SH3BGRL2: variants seen among roughly 807,000 people sequenced by gnomAD.
The protein encoded by SH3BGRL2 is SH3 domain binding glutamate rich protein like 2.
A neutral mutation model predicts 14.8 loss-of-function variants in SH3BGRL2; 21 were observed. The observed-to-expected ratio is 1.42, with a 90% CI of 1.01 to 2.05. The LOEUF (loss-of-function observed/expected upper bound fraction) is 2.05, where lower values mean the gene tolerates loss of function less well. SH3BGRL2 is among the 30% of genes most tolerant of loss of function. SH3BGRL2 has a pLI of 0.00. For missense variants in SH3BGRL2, 147 were observed against 130.8 expected, an observed-to-expected ratio of 1.12 and a Z score of -0.61; for synonymous variants, 50 against 47.8, an observed-to-expected ratio of 1.05 and a Z score of -0.19.
the SH3BGRL2 span, among the ~76,000 whole-genome samples, chr6:79,551,632 G>C: frequency 3.9e-5 from 6 of 152,250 alleles, no homozygotes; most frequent in African/African-American, 1.4e-4. Flanking sequence ...ATGCTAAACA[G>C]TTTGGCTAAA....
At chr6:79,622,031 T>C in the SH3BGRL2 span, among the ~76,000 whole-genome samples, 1 of 151,342 alleles carries the variant, frequency 6.6e-6, no homozygotes, top group Non-Finnish European at 1.5e-5. Flanking sequence ...GAAAGTGGAG[T>C]GTTGGAGGCT....
the SH3BGRL2 span, among the ~76,000 whole-genome samples, chr6:79,541,938 A>G: frequency 6.6e-6 from 1 of 152,202 alleles, no homozygotes; most frequent in Non-Finnish European, 1.5e-5. Context: ...GAGATTAACC[A>G]AATTTTGTTA....
At chr6:79,567,988 C>T in the SH3BGRL2 span, among the ~76,000 whole-genome samples, 1 of 152,202 alleles carries the variant, frequency 6.6e-6, no homozygotes, top group South Asian at 2.1e-4. Context: ...AAAAGATGTC[C>T]AACCTCATTC....
chr6:79,638,683 T>C (rs1387533817), intron 1 of SH3BGRL2, among the ~76,000 whole-genome samples: 3 of 152,296 alleles, frequency 2.0e-5, no homozygotes, highest in East Asian at 1.9e-4. Context: ...GATTTGCATT[T>C]TCCTGATGAT....
the SH3BGRL2 span, among the ~76,000 whole-genome samples, chr6:79,612,157 C>T: frequency 3.7e-4 from 56 of 152,092 alleles, no homozygotes; most frequent in African/African-American, 1.2e-3. Context: ...ATTAGCTGGG[C>T]GTGGTGGGGT....
chr6:79,647,884 C>T (rs62413425), intron 1 of SH3BGRL2, among the ~76,000 whole-genome samples: 11,371 of 151,978 alleles, frequency 0.075, 569 homozygotes, highest in Non-Finnish European at 0.12. Context: ...TGTATATCCA[C>T]GCTGCCCTTT....
At chr6:79,673,363 C>T (rs1383162585) in intron 1 of SH3BGRL2, among the ~76,000 whole-genome samples, 1 of 151,870 alleles carries the variant, frequency 6.6e-6, no homozygotes, top group Non-Finnish European at 1.5e-5. Flanking sequence ...TCACTTGAGC[C>T]CAGGAGTTTG....
chr6:79,672,437 C>A (rs746787570), intron 1 of SH3BGRL2, among the ~76,000 whole-genome samples: 8 of 151,934 alleles, frequency 5.3e-5, no homozygotes, highest in Non-Finnish European at 1.0e-4. Flanking sequence ...TTAAAGTGGG[C>A]TTAGTCTACA....
At chr6:79,689,896 A>G (rs1057283805) in intron 2 of SH3BGRL2, among the ~76,000 whole-genome samples, 6 of 152,140 alleles carry the variant, frequency 3.9e-5, no homozygotes, top group Non-Finnish European at 8.8e-5. Flanking sequence ...ATGTATAGAG[A>G]TTGAGTGAGG....
intron 3 of SH3BGRL2, among the ~76,000 whole-genome samples, chr6:79,698,447 C>T (rs1770376633): frequency 6.6e-6 from 1 of 152,112 alleles, no homozygotes; most frequent in Non-Finnish European, 1.5e-5. Flanking sequence ...TTTTCCTTTC[C>T]TACTCCCTGT....
chr6:79,542,911 C>T, the SH3BGRL2 span, among the ~76,000 whole-genome samples: 11 of 152,216 alleles, frequency 7.2e-5, no homozygotes, highest in Non-Finnish European at 1.3e-4. Flanking sequence ...CTCCACAAAA[C>T]TTCTTACCAT....
the SH3BGRL2 span, among the ~76,000 whole-genome samples, chr6:79,577,269 A>C: frequency 6.6e-6 from 1 of 152,202 alleles, no homozygotes; most frequent in African/African-American, 2.4e-5. Context: ...TTCCTTGTTT[A>C]CTGCAGCCTT....
chr6:79,599,417 G>T, the SH3BGRL2 span, among the ~76,000 whole-genome samples: 3 of 149,754 alleles, frequency 2.0e-5, no homozygotes, highest in Non-Finnish European at 4.4e-5. Context: ...CGTCACCCAG[G>T]CTGGAGTGCA....
upstream of SH3BGRL2, among the ~76,000 whole-genome samples, chr6:79,626,643 G>C (rs942852508): frequency 6.6e-6 from 1 of 152,210 alleles, no homozygotes; most frequent in Non-Finnish European, 1.5e-5. Flanking sequence ...AAACCTGGAT[G>C]CCCATAGGGC....
chr6:79,564,413 T>G, the SH3BGRL2 span, among the ~76,000 whole-genome samples: 1 of 248 alleles, frequency 4.0e-3, no homozygotes, highest in African/African-American at 7.5e-3. Flanking sequence ...CAGTTTGTGC[T>G]TTTTCCTTGG....
intron 1 of SH3BGRL2, 35 bp downstream of exon 1, chr6:79,631,541 C>T (rs757432042): frequency 1.4e-6 from 2 of 1,386,422 alleles, no homozygotes; most frequent in Non-Finnish European, 1.9e-6. Context: ...AGGTTGGGGT[C>T]GCGGGGCGCG....
the SH3BGRL2 span, among the ~76,000 whole-genome samples, chr6:79,549,228 A>G: frequency 6.6e-6 from 1 of 152,242 alleles, no homozygotes; most frequent in African/African-American, 2.4e-5. Flanking sequence ...TACAAACTAA[A>G]TAAAATCAGA....
At chr6:79,569,962 G>A in the SH3BGRL2 span, among the ~76,000 whole-genome samples, 1,236 of 152,250 alleles carry the variant, frequency 8.1e-3, 9 homozygotes, top group Non-Finnish European at 0.011. Flanking sequence ...ATGGGAACAC[G>A]CAGAAAGGAT....
At chr6:79,602,165 A>C in the SH3BGRL2 span, among the ~76,000 whole-genome samples, 1 of 152,250 alleles carries the variant, frequency 6.6e-6, no homozygotes, top group Non-Finnish European at 1.5e-5. Context: ...ACAATGAGCC[A>C]AATTGTGTCT....
Sources: allele counts gnomAD v4.1 joint callset (sites outside exome capture counted in the v4.1 genomes callset), GRCh38; gene constraint gnomAD v4.1.1; transcripts MANE v1.5; gene names NCBI Gene and HGNC (gene_info 2026-07-23, HGNC 2026-07-21).